SLC27A1: variants seen among roughly 807,000 people sequenced by gnomAD.
The protein encoded by SLC27A1 is solute carrier family 27 member 1.
SLC27A1 carries 61 observed loss-of-function variants against 62.2 expected under a neutral mutation model. The ratio of observed to expected loss-of-function variants is 0.98; its 90% CI spans 0.80 to 1.21. The LOEUF (loss-of-function observed/expected upper bound fraction) is 1.21. Ranked by LOEUF, SLC27A1 falls within the 50% of genes most tolerant of loss-of-function variation. The pLI is 0.00. For missense variants in SLC27A1, 903 were observed against 932.1 expected (o/e 0.97, Z 0.41); for synonymous variants, 435 against 408.6 (o/e 1.06, Z -0.78).
intron 1 of SLC27A1, among the ~76,000 whole-genome samples, chr19:17,476,326 A>G (rs1471552666): frequency 6.6e-6 from 1 of 152,120 alleles, no homozygotes; most frequent in Non-Finnish European, 1.5e-5. Context: ...ACCTGAGGTC[A>G]GGAGTTCGAG....
chr19:17,469,341 G>A (rs2075050909), upstream of SLC27A1, among the ~76,000 whole-genome samples: 1 of 152,122 alleles, frequency 6.6e-6, no homozygotes, highest in African/African-American at 2.4e-5. Context: ...AAGACCGAAA[G>A]AGGCTTTGGG....
At chr19:17,480,541 C>T (rs116536726) in intron 1 of SLC27A1, among the ~76,000 whole-genome samples, 355 of 111,676 alleles carry the variant, frequency 3.2e-3, no homozygotes, top group Middle Eastern at 0.013. Flanking sequence ...TAATTTTTTT[C>T]TTTTTTTTTT....
At chr19:17,471,980 C>T (rs1044737299) in intron 1 of SLC27A1, among the ~76,000 whole-genome samples, 5 of 152,226 alleles carry the variant, frequency 3.3e-5, no homozygotes, top group Admixed American at 3.3e-4. Context: ...CTTGCAGTGT[C>T]AAGCTCAAGC....
chr19:17,486,564 G>A lies in SLC27A1; in HGVS notation c.169G>A (p.Gly57Ser), dbSNP rs772979334. 1 of 1,578,004 alleles carries A rather than the reference G, an allele frequency of 6.3e-7. No homozygotes were observed. Among genetic ancestry groups the A allele is most frequent in the South Asian group, 1.1e-5 (1 of 88,528 alleles). ...TGTCCCCTCCGTCCTCCCTCCCAGC[G>A]GTCTCTCTGTGCTGATCCGCGTGCG... ...VCKTARRDLF[G>S]LSVLIRVRLE... Residue 57 changes from glycine to serine, a missense_variant and splice_region_variant, in exon 2 of 12, where the codon GGT becomes AGT. Transcript: ENST00000252595. The surrounding 1 kb of genome is among the most constrained non-coding windows in gnomAD (Gnocchi z 6.6).
intron 1 of SLC27A1, among the ~76,000 whole-genome samples, chr19:17,471,300 G>A (rs2075074129): frequency 6.6e-6 from 1 of 152,068 alleles, no homozygotes; most frequent in African/African-American, 2.4e-5. Context: ...TACAGCTGGG[G>A]CACTGTTTGA....
rs2075225922 is a variant in SLC27A1 at position 17,486,027 on chromosome 19, C to A, written c.168-536C>A. Among the ~76,000 whole-genome samples the A allele has an allele frequency of 6.6e-6, 1 of 152,088 alleles. No individual in the cohort carries two copies. Among genetic ancestry groups the A allele is most frequent in the South Asian group, 2.1e-4 (1 of 4,830 alleles). Reference sequence around the variant, plus strand: ...CTGGGCTTGGCATTGGTCCTTACACCCCCCATCCACTGGCACATCTCCTGG... The same window carrying A: ...CTGGGCTTGGCATTGGTCCTTACACACCCCATCCACTGGCACATCTCCTGG... On this transcript the variant is annotated intron_variant, in intron 1 of 11. Transcript: ENST00000252595. The surrounding 1 kb of genome is among the most constrained non-coding windows in gnomAD (Gnocchi z 6.6).
intron 10 of SLC27A1, 147 bp downstream of exon 10, chr19:17,501,023 C>A: frequency 9.1e-7 from 1 of 1,097,532 alleles, no homozygotes; most frequent in Non-Finnish European, 1.3e-6. Flanking sequence ...GATCTGGAGC[C>A]AGTTCACCTG....
chr19:17,470,510 C>CCGCG (rs564702677), upstream of SLC27A1: 1,293 of 1,509,646 alleles, frequency 8.6e-4, 7 homozygotes, highest in African/African-American at 0.016. Context: ...CTGGAGCGGC[C>CCGCG]CGCGGCCTCA....
intron 4 of SLC27A1, among the ~76,000 whole-genome samples, chr19:17,488,173 A>C (rs959965440): frequency 6.6e-6 from 1 of 152,200 alleles, no homozygotes; most frequent in African/African-American, 2.4e-5. Flanking sequence ...GTCCTGGCCA[A>C]CGTGGCGAAA....
Position 17,489,072 on chromosome 19 carries a change from C to T in SLC27A1, c.951C>T (p.Phe317=). Residue 317 remains phenylalanine, a synonymous_variant, in exon 6 of 12, where the codon TTC becomes TTT. Coordinates refer to ENST00000252595, the MANE Select transcript of SLC27A1 (RefSeq NM_198580.3). The part of the protein sequence containing the change: ...YGLTVVLRKK[F]SASRFWDDCI... ...TGACAGTCGTCCTCCGCAAGAAATT[C>T]TCGGCCAGCCGCTTCTGGGACGACT... 6.2e-7 allele frequency: 1 copy of T among 1,614,180 alleles called. No individual in the cohort carries two copies. Among genetic ancestry groups the T allele is most frequent in the Non-Finnish European group, 8.5e-7 (1 of 1,180,022 alleles).
chr19:17,493,401 C>G (rs2075315233), intron 6 of SLC27A1, among the ~76,000 whole-genome samples: 1 of 115,284 alleles, frequency 8.7e-6, no homozygotes, highest in South Asian at 2.9e-4. Context: ...GCACTCCAGA[C>G]TGGGTGAGAG....
At chr19:17,492,217 A>G (rs913204812) in intron 6 of SLC27A1, 1 of 152,184 alleles carries the variant, frequency 6.6e-6, no homozygotes, top group African/African-American at 2.4e-5. Flanking sequence ...GCTGGTCTAT[A>G]TATTTTATCG....
chr19:17,470,578 C>A lies in SLC27A1; in HGVS notation c.38C>A (p.Ser13Ter). ...GGTGCGGGCGCGGCCTCGGTGGTCT[C>A]GCTGGCGCTGTTGTGGCTGCTGGGG... ...APGAGAASVV[S>*]LALLWLLGLP... Residue 13 changes from serine to a stop codon, truncating the protein, a stop_gained, in exon 1 of 12, where the codon TCG becomes TAG. Transcript: ENST00000252595. LOFTEE classifies it high-confidence loss of function. 6.4e-7 allele frequency: 1 copy of A among 1,571,642 alleles called. No homozygotes were observed. Among genetic ancestry groups the A allele is most frequent in the South Asian group, 1.1e-5 (1 of 87,520 alleles).
intron 1 of SLC27A1, among the ~76,000 whole-genome samples, chr19:17,471,352 C>T (rs1025862020): frequency 6.6e-6 from 1 of 151,738 alleles, no homozygotes; most frequent in Non-Finnish European, 1.5e-5. Flanking sequence ...GGGAGTTGTT[C>T]GGAGTGTGTC....
chr19:17,496,900 G>A (rs913651493), intron 6 of SLC27A1: 1 of 194,116 alleles, frequency 5.2e-6, no homozygotes, highest in African/African-American at 2.4e-5. Flanking sequence ...AAAAAAATCT[G>A]TAGTCCCAGC....
At chr19:17,501,014 A>G (rs1280976892) in intron 10 of SLC27A1, 138 bp downstream of exon 10, 1 of 1,120,894 alleles carries the variant, frequency 8.9e-7, no homozygotes, top group Non-Finnish European at 1.2e-6. Context: ...GAAGCACTGG[A>G]TCTGGAGCCA....
At chr19:17,475,765 G>A (rs915464568) in intron 1 of SLC27A1, among the ~76,000 whole-genome samples, 1 of 152,174 alleles carries the variant, frequency 6.6e-6, no homozygotes, top group Non-Finnish European at 1.5e-5. Flanking sequence ...TGTACTTCCT[G>A]CATGAAATCT....
At chr19:17,484,266 G>A (rs35885775) in intron 1 of SLC27A1, 47,649 of 152,108 alleles carry the variant, frequency 0.31, 8,223 homozygotes, top group Non-Finnish European at 0.39. Flanking sequence ...AATGAACAAA[G>A]GAGGGAATGA....
chr19:17,476,506 C>T (rs1181065673), intron 1 of SLC27A1, among the ~76,000 whole-genome samples: 2 of 147,480 alleles, frequency 1.4e-5, no homozygotes, highest in African/African-American at 5.0e-5. Flanking sequence ...CCACTGCACT[C>T]CAGCCTGGGT....
Sources: gnomAD v4.1 joint callset for allele counts (sites outside exome capture counted in the v4.1 genomes callset) on GRCh38, gnomAD v4.1.1 for gene constraint, Gnocchi (gnomAD v3.1) non-coding constraint, MANE v1.5 for transcripts, NCBI Gene and HGNC (gene_info 2026-07-23, HGNC 2026-07-21) for gene names.